Variants in ADIPOR2 observed in about 807,000 individuals in gnomAD.
ADIPOR2 encodes the protein adiponectin receptor protein 2.
ADIPOR2 carries 18 observed loss-of-function variants against 40.9 expected under a neutral mutation model. The observed-to-expected ratio is 0.44, with a 90% CI of 0.30 to 0.65. The LOEUF is 0.65. Ranked by LOEUF, ADIPOR2 falls within the 30% of genes least tolerant of loss-of-function variation. ADIPOR2 has a pLI of 0.09. For synonymous variants in ADIPOR2, 165 were observed against 166.4 expected (o/e 0.99, Z 0.06); for missense variants, 283 against 479.2 (o/e 0.59, Z 3.82).
At chr12:1,781,423 G>A (rs2286385) in intron 6 of ADIPOR2, among the ~76,000 whole-genome samples, 47,454 of 151,934 alleles carry the variant, frequency 0.31, 8,144 homozygotes, top group East Asian at 0.49. Context: ...TCATTGTGGA[G>A]TGTACTTTTT....
intron 1 of ADIPOR2, among the ~76,000 whole-genome samples, chr12:1,723,672 A>C (rs2094702377): frequency 6.6e-6 from 1 of 151,902 alleles, no homozygotes; most frequent in Non-Finnish European, 1.5e-5. Flanking sequence ...AAACAACAAC[A>C]ACAAAAGTGG....
At chr12:1,768,550 A>G (rs1862430578) in intron 2 of ADIPOR2, among the ~76,000 whole-genome samples, 1 of 152,190 alleles carries the variant, frequency 6.6e-6, no homozygotes, top group African/African-American at 2.4e-5. Flanking sequence ...TTAATCATCT[A>G]ATAAATATTT....
rs1250037017 is a variant in ADIPOR2 at position 1,786,091 on chromosome 12, G to C, written c.*19G>C. 1 of 1,612,058 alleles carries C rather than the reference G, an allele frequency of 6.2e-7. No individual in the cohort carries two copies. The highest frequency in any genetic ancestry group is 8.5e-7 in the Non-Finnish European group (1 of 1,179,398). ...ACTGTGATACCTACCAGTCTCCAGG[G>C]ACTATGACCCTAAACCAGGGCCTGC... On this transcript the variant is annotated 3_prime_UTR_variant, in exon 8 of 8. Transcript: ENST00000357103.
At chr12:1,742,518 C>T (rs754188826) in intron 1 of ADIPOR2, among the ~76,000 whole-genome samples, 3 of 152,210 alleles carry the variant, frequency 2.0e-5, no homozygotes, top group Admixed American at 1.3e-4. Context: ...ATTCTAAGTT[C>T]TGAGTAGAAT....
At chr12:1,785,826 A>G in intron 7 of ADIPOR2, 118 bp from the exon 8 acceptor site, 1 of 1,340,508 alleles carries the variant, frequency 7.5e-7, no homozygotes, top group African/African-American at 1.5e-5. Context: ...GAGCTCTGTC[A>G]CATCCATTCC....
At chr12:1,765,261 C>G (rs1044466216) in intron 2 of ADIPOR2, among the ~76,000 whole-genome samples, 2 of 152,050 alleles carry the variant, frequency 1.3e-5, no homozygotes, top group Non-Finnish European at 2.9e-5. Context: ...TTAGTTACAC[C>G]TACTTTATGA....
chr12:1,768,284 T>C (rs1336643473), intron 2 of ADIPOR2, among the ~76,000 whole-genome samples: 1 of 152,206 alleles, frequency 6.6e-6, no homozygotes, highest in African/African-American at 2.4e-5. Flanking sequence ...GCTACTTTCC[T>C]AAATGCCCCC....
intron 2 of ADIPOR2, among the ~76,000 whole-genome samples, chr12:1,764,045 GA>G (rs1696559500): frequency 1.3e-5 from 2 of 152,264 alleles, no homozygotes; most frequent in Admixed American, 1.3e-4. Context: ...TTTAAGTAAA[GA>G]AATGAATGAT....
At chr12:1,765,774 C>G (rs1426789031) in intron 2 of ADIPOR2, among the ~76,000 whole-genome samples, 3 of 151,926 alleles carry the variant, frequency 2.0e-5, no homozygotes, top group Non-Finnish European at 4.4e-5. Flanking sequence ...GAAGTGCTTT[C>G]TTCTTTATTG....
rs772944242 is a variant in ADIPOR2 at position 1,783,914 on chromosome 12, T to C, written c.873T>C (p.Ile291=). 6.2e-7 allele frequency: 1 copy of C among 1,612,698 alleles called. No homozygotes were observed. The highest frequency in any genetic ancestry group is 8.5e-7 in the Non-Finnish European group (1 of 1,179,240). The change falls in exon 7 of 8, where the codon ATT becomes ATC. Residue 291 remains isoleucine, a synonymous_variant. Coordinates refer to ENST00000357103, the MANE Select transcript of ADIPOR2 (RefSeq NM_024551.3). ...TGGGCCTAGGCCTGAGTGGAATCAT[T>C]CCTACCTTGCACTATGTCATCTCGG... ...VFLGLGLSGI[I]PTLHYVISEG...
chr12:1,698,834 G>C (rs1377431939), intron 1 of ADIPOR2, among the ~76,000 whole-genome samples: 1 of 150,870 alleles, frequency 6.6e-6, no homozygotes, highest in Non-Finnish European at 1.5e-5. Context: ...CCAGAAATGT[G>C]GGTGGAGTCT....
At chr12:1,777,807 A>AT in intron 3 of ADIPOR2, 47 bp from the exon 4 acceptor site, 3 of 1,570,594 alleles carry the variant, frequency 1.9e-6, no homozygotes, top group Non-Finnish European at 2.6e-6. Flanking sequence ...GTGTTGGTAA[A>AT]TTGACAACTA....
At chr12:1,718,693 G>A (rs760738938) in intron 1 of ADIPOR2, among the ~76,000 whole-genome samples, 1 of 152,220 alleles carries the variant, frequency 6.6e-6, no homozygotes, top group Middle Eastern at 3.4e-3. Flanking sequence ...TTATCACTTT[G>A]GGAAGATTCT....
chr12:1,747,051 G>GCC (rs111266190), intron 1 of ADIPOR2, among the ~76,000 whole-genome samples: 16 of 116,204 alleles, frequency 1.4e-4, no homozygotes, highest in African/African-American at 4.8e-4. Context: ...TAACTCCACT[G>GCC]CCCCCCCCCA....
chr12:1,700,886 G>T (rs1225901416), intron 1 of ADIPOR2, among the ~76,000 whole-genome samples: 6 of 151,326 alleles, frequency 4.0e-5, no homozygotes, highest in African/African-American at 1.5e-4. Flanking sequence ...GGCTGCAGAT[G>T]TATGTTTTAT....
intron 1 of ADIPOR2, among the ~76,000 whole-genome samples, chr12:1,736,271 A>G (rs974738623): frequency 6.6e-6 from 1 of 152,044 alleles, no homozygotes; most frequent in African/African-American, 2.4e-5. Flanking sequence ...TCAATTTCAG[A>G]GCCTGTTATT....
intron 1 of ADIPOR2, among the ~76,000 whole-genome samples, chr12:1,692,616 AG>A (rs1457742983): frequency 6.6e-6 from 1 of 152,054 alleles, no homozygotes; most frequent in Non-Finnish European, 1.5e-5. Context: ...GAATGGGAGT[AG>A]GATTTCCAGA....
chr12:1,758,058 C>G, intron 2 of ADIPOR2: 1 of 627,364 alleles, frequency 1.6e-6, no homozygotes, highest in East Asian at 2.8e-5. Context: ...GAGTCCAGAA[C>G]TTGCCCACCC....
intron 2 of ADIPOR2, chr12:1,760,724 T>A (rs1393245276): frequency 6.6e-6 from 1 of 152,246 alleles, no homozygotes; most frequent in Admixed American, 6.5e-5. Context: ...TATTTGTGGT[T>A]TCACATTCTG....
Sources: gnomAD v4.1 joint callset for allele counts (sites outside exome capture counted in the v4.1 genomes callset) on GRCh38, gnomAD v4.1.1 for gene constraint, MANE v1.5 for transcripts, NCBI Gene and HGNC (gene_info 2026-07-23, HGNC 2026-07-21) for gene names.